The following FAM241A variants were observed in gnomAD, a reference collection of about 807,000 sequenced individuals.
The protein encoded by FAM241A is family with sequence similarity 241 member A, also known as uncharacterized protein FAM241A.
Under a neutral mutation model 12.2 loss-of-function variants are expected in FAM241A, and 7 were observed. That is an observed-to-expected ratio of 0.58 (90% CI 0.33 to 1.08). The LOEUF is 1.08. Ranked by LOEUF, FAM241A falls within the 50% of genes least tolerant of loss-of-function variation. The pLI is 0.04. For missense variants in FAM241A, 161 were observed against 169.7 expected, an observed-to-expected ratio of 0.95 and a Z score of 0.29; for synonymous variants, 74 against 68.2, an observed-to-expected ratio of 1.08 and a Z score of -0.42.
At chr4:112,160,987 A>T (rs1401470700) in intron 1 of FAM241A, among the ~76,000 whole-genome samples, 1 of 152,236 alleles carries the variant, frequency 6.6e-6, no homozygotes, top group East Asian at 1.9e-4. Flanking sequence ...AAGCTCCAGG[A>T]CATTAGTTTG....
intron 1 of FAM241A, among the ~76,000 whole-genome samples, chr4:112,156,804 C>G (rs1418479879): frequency 6.6e-6 from 1 of 152,128 alleles, no homozygotes; most frequent in Non-Finnish European, 1.5e-5. Flanking sequence ...TGTGAAACAT[C>G]TGTAAAATTG....
At position 112,190,429 on chromosome 4, in the gene FAM241A, C is replaced by G. The variant is rs1269801248; in HGVS notation, c.*3491C>G. ...GCGGTGGCTCATCCCTATAAAAGTG[C>G]TGGGACAGCACTTTGGGAGGCCGAA... On this transcript the variant is annotated 3_prime_UTR_variant, in exon 2 of 2. Transcript: ENST00000309733. 1 of 150,676 alleles carries G rather than the reference C, an allele frequency of 6.6e-6. No homozygotes were observed. Among genetic ancestry groups the G allele is most frequent in the Non-Finnish European group, 1.5e-5 (1 of 67,870 alleles). 9.3% of individuals were successfully genotyped at this position (150,676 alleles called of 1,614,324 possible).
chr4:112,154,901 G>A (rs1201418275), intron 1 of FAM241A, among the ~76,000 whole-genome samples: 1 of 152,048 alleles, frequency 6.6e-6, no homozygotes, highest in Non-Finnish European at 1.5e-5. Flanking sequence ...GGGTATGGTG[G>A]GGAATACCTG....
chr4:112,185,996 T>A (rs1485252513), intron 1 of FAM241A, among the ~76,000 whole-genome samples: 1 of 151,426 alleles, frequency 6.6e-6, no homozygotes, highest in African/African-American at 2.4e-5. Context: ...TTCCAAAGAG[T>A]GGGTTTGAAG....
Position 112,186,688 on chromosome 4 carries a change from T to A in FAM241A, c.154-5T>A, listed in dbSNP as rs750004005. Reference sequence around the variant, plus strand: ...CATGTTTTGTCTTTTTTTTTTTTTTTAAAGGATGTTGAAGACTCACAGAAC... The same window carrying A: ...CATGTTTTGTCTTTTTTTTTTTTTTAAAAGGATGTTGAAGACTCACAGAAC... On this transcript the variant is annotated splice_region_variant and splice_polypyrimidine_tract_variant and intron_variant, in intron 1 of 1. Coordinates refer to ENST00000309733, the MANE Select transcript of FAM241A (RefSeq NM_152400.3). The A allele has an allele frequency of 2.8e-5, 43 of 1,560,074 alleles. No homozygotes were observed. The highest frequency in any genetic ancestry group is 1.7e-4 in the Middle Eastern group (1 of 5,806).
intron 1 of FAM241A, among the ~76,000 whole-genome samples, chr4:112,170,761 AAG>A (rs1723702120): frequency 6.6e-6 from 1 of 152,208 alleles, no homozygotes; most frequent in Non-Finnish European, 1.5e-5. Flanking sequence ...AAACTGGGAA[AAG>A]AGAAACTGGA....
chr4:112,160,480 C>G (rs1054041877), intron 1 of FAM241A, among the ~76,000 whole-genome samples: 15 of 151,848 alleles, frequency 9.9e-5, no homozygotes, highest in Admixed American at 9.2e-4. Context: ...TCCATACTAC[C>G]CGAAGCAACC....
intron 1 of FAM241A, among the ~76,000 whole-genome samples, chr4:112,184,225 A>G (rs1383452590): frequency 6.6e-6 from 1 of 152,222 alleles, no homozygotes; most frequent in African/African-American, 2.4e-5. Context: ...ATCCAAAAGT[A>G]ATTTTAAAAA....
At chr4:112,179,726 A>T (rs187815611) in intron 1 of FAM241A, among the ~76,000 whole-genome samples, 4,376 of 69,710 alleles carry the variant, frequency 0.063, 176 homozygotes, top group East Asian at 0.4. Flanking sequence ...TATATATATT[A>T]AAAAAAAGAA....
At chr4:112,149,294 C>G (rs1723200345) in intron 1 of FAM241A, among the ~76,000 whole-genome samples, 1 of 152,084 alleles carries the variant, frequency 6.6e-6, no homozygotes, top group Admixed American at 6.5e-5. Flanking sequence ...GTCTGAGCCT[C>G]TGTGCCCAGC....
chr4:112,162,718 A>C (rs1490034723), intron 1 of FAM241A, among the ~76,000 whole-genome samples: 1 of 152,232 alleles, frequency 6.6e-6, no homozygotes, highest in Admixed American at 6.5e-5. Flanking sequence ...CAATATCATG[A>C]AAATGGCCAT....
intron 1 of FAM241A, among the ~76,000 whole-genome samples, chr4:112,177,101 A>G (rs1723837805): frequency 6.6e-6 from 1 of 152,090 alleles, no homozygotes; most frequent in African/African-American, 2.4e-5. Flanking sequence ...TACTACTTTT[A>G]AAAGCATGAA....
In FAM241A at chr4:112,186,811, A is replaced by C; in HGVS notation, c.272A>C (p.Tyr91Ser). The change falls in exon 2 of 2, where the codon TAT (tyrosine) becomes TCT (serine). Residue 91 changes from tyrosine to serine, a missense_variant. Physicochemically the swap from Tyr to Ser is moderately radical, Grantham distance 144. Coordinates refer to ENST00000309733, the MANE Select transcript of FAM241A (RefSeq NM_152400.3). Reference protein sequence around the residue: ...NLINMGFTRMYFGERIVEPVI... With the variant: ...NLINMGFTRMSFGERIVEPVI... ...ATCAACATGGGCTTCACAAGGATGT[A>C]TTTTGGAGAACGAATAGTGGAACCA... 6.2e-7 allele frequency: 1 copy of C among 1,614,022 alleles called. No homozygotes were observed. The highest frequency in any genetic ancestry group is 8.5e-7 in the Non-Finnish European group (1 of 1,179,996).
chr4:112,161,931 T>C (rs1051264082), intron 1 of FAM241A, among the ~76,000 whole-genome samples: 8 of 152,088 alleles, frequency 5.3e-5, no homozygotes, highest in Admixed American at 4.6e-4. Context: ...GCAAACTGAA[T>C]CCAGCAGCAC....
chr4:112,176,999 G>GT (rs1384173694), intron 1 of FAM241A, among the ~76,000 whole-genome samples: 1 of 152,056 alleles, frequency 6.6e-6, no homozygotes, highest in African/African-American at 2.4e-5. Context: ...TGTTGGGGAG[G>GT]TTTTTTGTTT....
intron 1 of FAM241A, among the ~76,000 whole-genome samples, chr4:112,167,547 G>A (rs779768515): frequency 1.3e-5 from 2 of 152,168 alleles, no homozygotes; most frequent in Admixed American, 1.3e-4. Context: ...ATATGTAGTT[G>A]AGCATTCTAC....
chr4:112,190,230 G>A lies in FAM241A; in HGVS notation c.*3292G>A, dbSNP rs1724137381. The A allele has an allele frequency of 6.6e-6, 1 of 151,608 alleles. No individual in the cohort carries two copies. Among genetic ancestry groups the A allele is most frequent in the African/African-American group, 2.4e-5 (1 of 41,142 alleles). The allele number at this position is 151,608 out of a possible 1,614,324, so 9.4% of individuals were successfully genotyped here. Reference sequence around the variant, plus strand: ...GTAAAGGTCTGTTGTAATATAGAAAGCTCAAAATAGTCAAAGCCAGGTTTG... The same window carrying A: ...GTAAAGGTCTGTTGTAATATAGAAAACTCAAAATAGTCAAAGCCAGGTTTG... On this transcript the variant is annotated 3_prime_UTR_variant, in exon 2 of 2. Coordinates refer to ENST00000309733, the MANE Select transcript of FAM241A (RefSeq NM_152400.3).
chr4:112,156,860 A>G (rs1244024731), intron 1 of FAM241A, among the ~76,000 whole-genome samples: 1 of 152,288 alleles, frequency 6.6e-6, no homozygotes, highest in East Asian at 1.9e-4. Context: ...AAAAATTATC[A>G]CAATATAAAG....
At chr4:112,146,000 C>A (rs900333000) in intron 1 of FAM241A, among the ~76,000 whole-genome samples, 2 of 152,050 alleles carry the variant, frequency 1.3e-5, no homozygotes, top group Non-Finnish European at 2.9e-5. Flanking sequence ...CCCTGGCGTC[C>A]GGCAGAGGAT....
Sources: gnomAD v4.1 joint callset for allele counts (sites outside exome capture counted in the v4.1 genomes callset) on GRCh38, gnomAD v4.1.1 for gene constraint, MANE v1.5 for transcripts, NCBI Gene and HGNC (gene_info 2026-07-23, HGNC 2026-07-21) for gene names.